STARD13: variants seen among roughly 807,000 people sequenced by gnomAD.
The protein encoded by STARD13 is stAR-related lipid transfer protein 13.
In STARD13, 62 loss-of-function variants were observed where a neutral mutation model predicts 106.4. That is an observed-to-expected ratio of 0.58 (90% CI 0.48 to 0.72). The LOEUF (loss-of-function observed/expected upper bound fraction) is 0.72, where lower values mean the gene tolerates loss of function less well. STARD13 is among the 30% of genes least tolerant of loss of function. The pLI is 0.00. For synonymous variants in STARD13, 565 were observed against 553.0 expected, an observed-to-expected ratio of 1.02 and a Z score of -0.31; for missense variants, 1,387 against 1,424.0, an observed-to-expected ratio of 0.97 and a Z score of 0.42.
rs572795866 is a variant in STARD13, at chr13:33,201,076, T to A, written c.170-33454A>T. ...ATAAATAAACAAATAAAAATAAAAA[T>A]AAAAAAATAAAAAATAAAAAATAGA... On this transcript the variant is annotated intron_variant, in intron 1 of 13. Transcript: ENST00000336934. Among the ~76,000 whole-genome samples, 11 of 140,394 alleles carry A rather than the reference T, an allele frequency of 7.8e-5. No homozygotes were observed. The South Asian group carries it at 1.0e-3, about 13-fold the overall frequency. 92.1% of individuals were successfully genotyped at this position (140,394 alleles called of 152,430 possible). A position where few individuals can be genotyped will look rare whatever the true frequency, so the allele number is the denominator to read the frequency against.
At chr13:33,143,680 A>G (rs940581682) in intron 3 of STARD13, among the ~76,000 whole-genome samples, 2 of 152,142 alleles carry the variant, frequency 1.3e-5, no homozygotes, top group African/African-American at 4.8e-5. Context: ...CAGCCTCCTG[A>G]GTAGCTGGGA....
the STARD13 span, among the ~76,000 whole-genome samples, chr13:33,567,611 T>C: frequency 1.4e-5 from 2 of 145,826 alleles, 1 homozygote; most frequent in South Asian, 4.3e-4. Context: ...AGAAAAATGA[T>C]AGCATTGGAG....
At chr13:33,403,205 A>ACGATGAC in the STARD13 span, among the ~76,000 whole-genome samples, 1 of 152,204 alleles carries the variant, frequency 6.6e-6, no homozygotes, top group African/African-American at 2.4e-5. Context: ...TTGAGCAACA[A>ACGATGAC]CGATGACCGA....
chr13:33,592,454 A>C, the STARD13 span, among the ~76,000 whole-genome samples: 2 of 152,182 alleles, frequency 1.3e-5, no homozygotes, highest in South Asian at 4.1e-4. Context: ...GGAGGTCAGC[A>C]ATGGGAGAGA....
chr13:33,543,353 A>G, the STARD13 span, among the ~76,000 whole-genome samples: 7 of 152,312 alleles, frequency 4.6e-5, no homozygotes, highest in East Asian at 7.7e-4. Flanking sequence ...AGGCCATGGA[A>G]GTTTCAGAAA....
chr13:33,133,036 C>A (rs954320840), intron 4 of STARD13, among the ~76,000 whole-genome samples: 1 of 151,948 alleles, frequency 6.6e-6, no homozygotes, highest in East Asian at 1.9e-4. Flanking sequence ...TATGAAAAAG[C>A]CCTTTTAGCA....
chr13:33,537,008 G>A, the STARD13 span, among the ~76,000 whole-genome samples: 2 of 151,990 alleles, frequency 1.3e-5, no homozygotes, highest in African/African-American at 4.8e-5. Context: ...TTTCTTTTAG[G>A]TTATTTTATC....
the STARD13 span, among the ~76,000 whole-genome samples, chr13:33,516,224 CTATAATTCAT>C: frequency 2.7e-5 from 4 of 146,740 alleles, no homozygotes; most frequent in African/African-American, 9.9e-5. Flanking sequence ...TATTCAGTAT[CTATAATTCAT>C]TATAATTCAT....
In STARD13 at chr13:33,105,615, T is replaced by C; in HGVS notation, c.3320A>G (p.Glu1107Gly). 1 of 1,613,160 alleles carries C rather than the reference T, an allele frequency of 6.2e-7. No homozygotes were observed. Among genetic ancestry groups the C allele is most frequent in the Non-Finnish European group, 8.5e-7 (1 of 1,179,096 alleles). The change falls in exon 14 of 14, where the codon GAG becomes GGG. Residue 1107 changes from glutamate (E) to glycine (G), a missense_variant. Glu to Gly is a moderately conservative substitution (Grantham distance 98). Coordinates refer to ENST00000336934, the MANE Select transcript of STARD13 (RefSeq NM_178006.4). Reference sequence around the variant, plus strand: ...AACTCAGATTTTAGTTTCTGGGCCCTCAGCAATGAGGGGCTGGAAAGAGTT... The same window carrying C: ...AACTCAGATTTTAGTTTCTGGGCCCCCAGCAATGAGGGGCTGGAAAGAGTT... Reference protein sequence around the residue: ...IRNSFQPLIAEGPETKI With the variant: ...IRNSFQPLIAGGPETKI
At chr13:33,253,373 C>T (rs1391077123) in intron 1 of STARD13, among the ~76,000 whole-genome samples, 1 of 152,154 alleles carries the variant, frequency 6.6e-6, no homozygotes, top group Non-Finnish European at 1.5e-5. Context: ...CTACATTAAG[C>T]CAATGGACAG....
chr13:33,361,471 G>T, the STARD13 span, among the ~76,000 whole-genome samples: 1 of 152,228 alleles, frequency 6.6e-6, no homozygotes, highest in East Asian at 1.9e-4. Context: ...ACTGTAGCTC[G>T]GGGGAGTAGG....
At chr13:33,301,568 C>CTTTTTTTTTT (rs11393186) in intron 1 of STARD13, among the ~76,000 whole-genome samples, 7 of 72,076 alleles carry the variant, frequency 9.7e-5, no homozygotes, top group African/African-American at 1.5e-4. Flanking sequence ...CTTTTTTTTT[C>CTTTTTTTTTT]TTTTTTTTTT....
chr13:33,159,093 C>A (rs1385386342), intron 3 of STARD13, among the ~76,000 whole-genome samples: 1 of 152,186 alleles, frequency 6.6e-6, no homozygotes, highest in Non-Finnish European at 1.5e-5. Flanking sequence ...TTTATACAAG[C>A]CGGGCCCTTA....
chr13:33,262,372 G>A (rs559301147), intron 1 of STARD13, among the ~76,000 whole-genome samples: 1 of 152,142 alleles, frequency 6.6e-6, no homozygotes, highest in African/African-American at 2.4e-5. Flanking sequence ...ACCAGCCAGT[G>A]GGGGGACCTC....
intron 1 of STARD13, among the ~76,000 whole-genome samples, chr13:33,326,813 A>G (rs886849637): frequency 6.6e-6 from 1 of 152,240 alleles, no homozygotes; most frequent in Admixed American, 6.5e-5. Context: ...CTAGTAATCC[A>G]TTCACACTCA....
At chr13:33,584,256 C>T in the STARD13 span, among the ~76,000 whole-genome samples, 6 of 152,114 alleles carry the variant, frequency 3.9e-5, no homozygotes, top group African/African-American at 1.4e-4. Context: ...TTAATTGGCT[C>T]ATGGGGTTCT....
At chr13:33,242,316 C>A (rs888552964) in intron 1 of STARD13, among the ~76,000 whole-genome samples, 3 of 152,090 alleles carry the variant, frequency 2.0e-5, no homozygotes, top group Non-Finnish European at 4.4e-5. Context: ...GAAAAGGGGG[C>A]AATGTGGGGA....
the STARD13 span, among the ~76,000 whole-genome samples, chr13:33,597,746 C>T: frequency 1.3e-5 from 2 of 150,416 alleles, no homozygotes; most frequent in Non-Finnish European, 3.0e-5. Context: ...CCCAGCTATT[C>T]GGGAGGCAGA....
At chr13:33,597,192 G>T in the STARD13 span, among the ~76,000 whole-genome samples, 8 of 152,074 alleles carry the variant, frequency 5.3e-5, no homozygotes, top group African/African-American at 1.9e-4. Flanking sequence ...ATCCTTGTCA[G>T]CATTTCTTAT....
Sources: gnomAD v4.1 joint callset for allele counts (sites outside exome capture counted in the v4.1 genomes callset) on GRCh38, gnomAD v4.1.1 for gene constraint, MANE v1.5 for transcripts, NCBI Gene and HGNC (gene_info 2026-07-23, HGNC 2026-07-21) for gene names.